Variants in PLBD2 observed in about 807,000 individuals in gnomAD.
PLBD2 encodes putative aminopeptidase PLBD2.
Under a neutral mutation model 68.3 loss-of-function variants are expected in PLBD2, and 51 were observed. That is an observed-to-expected ratio of 0.75 (90% confidence interval 0.60 to 0.94). The LOEUF is 0.94. Among genes scored for constraint, PLBD2 ranks in the 40% least tolerant of loss-of-function variants. PLBD2 has a pLI of 0.00. For synonymous variants in PLBD2, 314 were observed against 339.3 expected, an observed-to-expected ratio of 0.93 and a Z score of 0.82; for missense variants, 729 against 792.2, an observed-to-expected ratio of 0.92 and a Z score of 0.96.
chr12:113,380,661 G>C (rs1957479612), intron 5 of PLBD2, 84 bp from the exon 6 acceptor site: 20 of 1,122,380 alleles, frequency 1.8e-5, no homozygotes, highest in Non-Finnish European at 2.1e-5. Context: ...CTGTGCCCCT[G>C]TGCCTGTGTC....
chr12:113,368,761 C>T (rs1957362880), intron 1 of PLBD2, among the ~76,000 whole-genome samples: 1 of 152,018 alleles, frequency 6.6e-6, no homozygotes, highest in Non-Finnish European at 1.5e-5. Context: ...ATAGGGGACT[C>T]AATGAGTTAA....
chr12:113,375,637 C>T (rs1454427034), intron 5 of PLBD2, among the ~76,000 whole-genome samples: 1 of 152,244 alleles, frequency 6.6e-6, no homozygotes, highest in Non-Finnish European at 1.5e-5. Context: ...GCTAGGCTCA[C>T]TGATGCATCA....
chr12:113,368,011 G>A (rs1957356524), intron 1 of PLBD2, among the ~76,000 whole-genome samples: 1 of 152,022 alleles, frequency 6.6e-6, no homozygotes, highest in African/African-American at 2.4e-5. Context: ...GAACCTGGGA[G>A]GCAGAGGTTG....
chr12:113,382,835 T>TG lies in PLBD2; in HGVS notation c.958-1270_958-1269insG, dbSNP rs1555206477. Among the ~76,000 whole-genome samples the TG allele has an allele frequency of 8.5e-4, 91 of 106,604 alleles. 1 individual carries two copies. The highest frequency in any genetic ancestry group is 4.2e-3 in the East Asian group (15 of 3,540). The allele number at this position is 106,604 out of a possible 152,430, so 69.9% of individuals were successfully genotyped here. ...TGGGGGTGGTGGTGGTGGTGGTTTTTTGTGTGTGTGTGTGTGTGTGTGTGT... is the reference window on the plus strand; with the variant it reads ...TGGGGGTGGTGGTGGTGGTGGTTTTTGTGTGTGTGTGTGTGTGTGTGTGTGT... On this transcript the variant is annotated intron_variant, in intron 6 of 11. Coordinates refer to ENST00000280800, the MANE Select transcript of PLBD2 (RefSeq NM_173542.4).
Position 113,375,074 on chromosome 12 carries a change from A to T in PLBD2, c.859+67A>T. 2.7e-6 allele frequency: 4 copies of T among 1,478,514 alleles called. No individual in the cohort carries two copies. In the South Asian group the frequency reaches 4.7e-5, roughly 17 times the overall value. The allele number at this position is 1,478,514 out of a possible 1,614,324, so 91.6% of individuals were successfully genotyped here. ...GGGCACACACGTGGGGAGTGGTCCT[A>T]GGAGGTTTGGGCCTTGGAAACCCTC... On this transcript the variant is annotated intron_variant, in intron 5 of 11. Coordinates refer to ENST00000280800, the MANE Select transcript of PLBD2 (RefSeq NM_173542.4).
At chr12:113,387,308 G>T (rs1957561998) in intron 10 of PLBD2, among the ~76,000 whole-genome samples, 1 of 152,196 alleles carries the variant, frequency 6.6e-6, no homozygotes. Context: ...CTAGACATCT[G>T]TTGAGTGACC....
chr12:113,380,815 C>T lies in PLBD2; in HGVS notation c.930C>T (p.Asp310=), dbSNP rs1296514109. The T allele has an allele frequency of 2.4e-5, 37 of 1,556,750 alleles. No homozygotes were observed. Among genetic ancestry groups the T allele is most frequent in the Middle Eastern group, 3.3e-4 (2 of 6,024 alleles). ...SSYPGTIFSC[D]DFYILGSGLV... is the part of the protein sequence containing the mutation. The stretch of plus-strand genomic sequence containing the variant: ...ACCCCGGCACCATCTTCTCCTGCGA[C>T]GACTTCTACATCCTGGGCAGTGGGC... The change falls in exon 6 of 12, where the codon GAC becomes GAT. Residue 310 remains aspartate, a synonymous_variant. Coordinates refer to ENST00000280800, the MANE Select transcript of PLBD2 (RefSeq NM_173542.4).
In PLBD2 at chr12:113,388,470, G is replaced by A; in HGVS notation, c.1614G>A (p.Met538Ile). The change falls in exon 12 of 12, where the codon ATG becomes ATA. Residue 538 changes from methionine (M) to isoleucine (I), a missense_variant. Physicochemically the swap from Met to Ile is conservative, Grantham distance 10 (BLOSUM62 1). Coordinates refer to ENST00000280800, the MANE Select transcript of PLBD2 (RefSeq NM_173542.4). ...HGGIDVKVTS[M>I]SLARILSLLA... ...TGCCCTGTCCCCAGGTGACCAGCAT[G>A]TCACTGGCCAGGATCCTGAGCCTGC... The A allele has an allele frequency of 6.3e-7, 1 of 1,593,588 alleles. No individual in the cohort carries two copies. Among genetic ancestry groups the A allele is most frequent in the South Asian group, 1.1e-5 (1 of 89,356 alleles).
chr12:113,379,376 G>A (rs1197969618), intron 5 of PLBD2, among the ~76,000 whole-genome samples: 2 of 150,974 alleles, frequency 1.3e-5, no homozygotes, highest in African/African-American at 4.9e-5. Flanking sequence ...CTGGAGCACT[G>A]TAGGGAAGAG....
At chr12:113,373,276 A>C (rs771969363) in intron 3 of PLBD2, among the ~76,000 whole-genome samples, 2 of 152,258 alleles carry the variant, frequency 1.3e-5, no homozygotes, top group Non-Finnish European at 2.9e-5. Context: ...AGGCCCAGGC[A>C]GGCTCTCTGC....
At chr12:113,360,700 A>C (rs1234567565) in intron 1 of PLBD2, among the ~76,000 whole-genome samples, 1 of 152,232 alleles carries the variant, frequency 6.6e-6, no homozygotes, top group African/African-American at 2.4e-5. Flanking sequence ...TCCGTTGCCC[A>C]GCTGGAGTGC....
intron 3 of PLBD2, among the ~76,000 whole-genome samples, chr12:113,374,003 G>A (rs1957413989): frequency 1.3e-5 from 2 of 152,006 alleles, no homozygotes; most frequent in African/African-American, 4.8e-5. Flanking sequence ...TGCTTACTAA[G>A]TGCCCAGTGT....
chr12:113,382,664 A>T lies in PLBD2; in HGVS notation c.958-1441A>T, dbSNP rs145704930. On this transcript the variant is annotated intron_variant, in intron 6 of 11. Coordinates refer to ENST00000280800, the MANE Select transcript of PLBD2 (RefSeq NM_173542.4). ...TGCCATGTTACCCAGGCTGGTCTTG[A>T]CCTCCTGGGCTCAAGCAATCTGACC... Among the ~76,000 whole-genome samples the T allele has an allele frequency of 8.4e-3, 1,272 of 151,630 alleles. 16 individuals are homozygous for T. Among genetic ancestry groups the T allele is most frequent in the African/African-American group, 0.029 (1,195 of 41,304 alleles).
At chr12:113,358,929 A>G in intron 1 of PLBD2, 39 bp downstream of exon 1, 2 of 1,478,370 alleles carry the variant, frequency 1.4e-6, no homozygotes, top group East Asian at 2.9e-5. Flanking sequence ...CCATCGGGGG[A>G]GGGGGATGCG....
At chr12:113,385,729 C>T (rs955298676) in intron 9 of PLBD2, among the ~76,000 whole-genome samples, 3 of 152,192 alleles carry the variant, frequency 2.0e-5, no homozygotes, top group Admixed American at 6.5e-5. Context: ...CCCCTGTTGG[C>T]GAATGGTGAA....
intron 3 of PLBD2, among the ~76,000 whole-genome samples, chr12:113,373,460 A>G (rs1957407234): frequency 6.6e-6 from 1 of 152,216 alleles, no homozygotes; most frequent in Non-Finnish European, 1.5e-5. Flanking sequence ...TTTCCTCTGT[A>G]GAACTTCTCA....
intron 1 of PLBD2, among the ~76,000 whole-genome samples, chr12:113,367,634 T>C (rs981659575): frequency 6.7e-6 from 1 of 148,804 alleles, no homozygotes; most frequent in Non-Finnish European, 1.5e-5. Context: ...CCTGTAGTTC[T>C]AGCTACTCAG....
chr12:113,386,392 C>T (rs1159236353), intron 9 of PLBD2, among the ~76,000 whole-genome samples: 1 of 133,538 alleles, frequency 7.5e-6, no homozygotes, highest in Non-Finnish European at 1.5e-5. Flanking sequence ...CTCGCTGTGT[C>T]GCCCAGGCTG....
rs1307029397 is a variant in PLBD2, at chr12:113,384,933, C to T, written c.1201C>T (p.Leu401=). Residue 401 remains leucine, a synonymous_variant, in exon 8 of 12, where the codon CTG becomes TTG. Coordinates refer to ENST00000280800, the MANE Select transcript of PLBD2 (RefSeq NM_173542.4). This position sits in a 1 kb window ranked among gnomAD's most constrained non-coding sequence, Gnocchi z 4.2. ...CCCCGGGAGCCGGGTGCTTACCATC[C>T]TGGAGCAGATCCCGTGCGTACCCTG... ...PSPGSRVLTI[L]EQIPGMVVVA... 7.0e-7 allele frequency: 1 copy of T among 1,437,144 alleles called. No individual in the cohort carries two copies. Among genetic ancestry groups the T allele is most frequent in the Non-Finnish European group, 9.4e-7 (1 of 1,060,490 alleles). The allele number at this position is 1,437,144 out of a possible 1,614,324, so 89.0% of individuals were successfully genotyped here.
Sources: allele counts gnomAD v4.1 joint callset (sites outside exome capture counted in the v4.1 genomes callset), GRCh38; gene constraint gnomAD v4.1.1; non-coding constraint Gnocchi (gnomAD v3.1); transcripts MANE v1.5; gene names NCBI Gene and HGNC (gene_info 2026-07-23, HGNC 2026-07-21).